The following FANCB variants were observed in gnomAD, a reference collection of about 807,000 sequenced individuals.
The protein encoded by FANCB is Fanconi anemia group B protein.
In FANCB, 5 loss-of-function variants were observed where a neutral mutation model predicts 38.9. That is an observed-to-expected ratio of 0.13 (90% CI 0.07 to 0.27). The LOEUF (loss-of-function observed/expected upper bound fraction) is 0.27. FANCB is among the 10% of genes least tolerant of loss of function. The pLI is 1.00. For missense variants in FANCB, 573 were observed against 602.7 expected (o/e 0.95, Z 0.52); for synonymous variants, 236 against 215.4 (o/e 1.10, Z -0.84).
At chrX:14,706,239 C>G in the FANCB span, among the ~76,000 whole-genome samples, 1 of 111,720 alleles carries the variant, frequency 9.0e-6, no homozygotes, top group East Asian at 2.8e-4. Flanking sequence ...TGCAGCCTCT[C>G]AGGCCCTACC....
At chrX:14,857,827 T>C (rs748867367) in intron 5 of FANCB, 35 bp downstream of exon 5, 3 of 921,577 alleles carry the variant, frequency 3.3e-6, no homozygotes, top group Admixed American at 2.2e-5. Context: ...AGAATAACAC[T>C]AATCGAAAAG....
At chrX:14,810,916 C>G in the FANCB span, among the ~76,000 whole-genome samples, 3 of 111,733 alleles carry the variant, frequency 2.7e-5, no homozygotes, top group East Asian at 2.8e-4. Flanking sequence ...CAGCCAGAGA[C>G]AAAGGTTGGG....
At chrX:14,770,128 T>C in the FANCB span, among the ~76,000 whole-genome samples, 5 of 112,363 alleles carry the variant, frequency 4.4e-5, no homozygotes, top group African/African-American at 1.6e-4. Flanking sequence ...TGAATTTGGG[T>C]GGAAAGTTCT....
At chrX:14,818,442 G>A in the FANCB span, among the ~76,000 whole-genome samples, 2 of 109,123 alleles carry the variant, frequency 1.8e-5, no homozygotes, top group African/African-American at 6.7e-5. Flanking sequence ...CGGGGGGTTG[G>A]GTGGAAGCCT....
At chrX:14,757,650 G>A in the FANCB span, among the ~76,000 whole-genome samples, 2 of 111,798 alleles carry the variant, frequency 1.8e-5, no homozygotes, top group Non-Finnish European at 3.8e-5. Context: ...AACAAAGTAC[G>A]GGGTAGAAGA....
Position 14,852,459 on chromosome X carries a change from G to A in FANCB, c.1326+580C>T, listed in dbSNP as rs182455418. ...TGGGATTACAGGCATGAGCCACCAC[G>A]CCCGGCCCTGAGGAGGATCTTATGA... is the stretch of plus-strand genomic sequence containing the variant. On this transcript the variant is annotated intron_variant, in intron 6 of 9. Coordinates refer to ENST00000650831, the MANE Select transcript of FANCB (RefSeq NM_001018113.3). Among the ~76,000 whole-genome samples, 41 of 110,916 alleles carry A rather than the reference G, an allele frequency of 3.7e-4. No homozygotes were observed. In the East Asian group the frequency reaches 5.4e-3, roughly 15 times the overall value.
the FANCB span, among the ~76,000 whole-genome samples, chrX:14,693,000 A>T: frequency 9.0e-6 from 1 of 110,737 alleles, no homozygotes; most frequent in East Asian, 2.8e-4. Flanking sequence ...TATGTAACTA[A>T]CCTGCACATT....
At chrX:14,838,634 T>C (rs187974700), downstream of FANCB, among the ~76,000 whole-genome samples, 1,561 of 111,955 alleles carry the variant, frequency 0.014, 26 homozygotes, top group African/African-American at 0.041. Context: ...AATTGAGTCA[T>C]TCTAAATCTT....
the FANCB span, among the ~76,000 whole-genome samples, chrX:14,778,130 T>C: frequency 8.9e-6 from 1 of 112,234 alleles, no homozygotes; most frequent in Admixed American, 9.4e-5. Flanking sequence ...TTCTAGCATT[T>C]AACAGGTGCT....
the FANCB span, among the ~76,000 whole-genome samples, chrX:14,722,392 T>A: frequency 9.0e-6 from 1 of 111,177 alleles, no homozygotes; most frequent in Non-Finnish European, 1.9e-5. Flanking sequence ...GTTGACATGG[T>A]GGCTCATGGT....
the FANCB span, among the ~76,000 whole-genome samples, chrX:14,826,157 T>C: frequency 1.8e-5 from 2 of 112,225 alleles, no homozygotes; most frequent in Non-Finnish European, 3.8e-5. Flanking sequence ...GCTCTCCCAT[T>C]TCTTGTGTAA....
the FANCB span, among the ~76,000 whole-genome samples, chrX:14,756,414 T>C: frequency 1.8e-5 from 2 of 112,052 alleles, no homozygotes; most frequent in Non-Finnish European, 3.8e-5. Context: ...TTGCAAACTA[T>C]GTACCTGACA....
At chrX:14,736,047 G>A in the FANCB span, among the ~76,000 whole-genome samples, 2 of 111,106 alleles carry the variant, frequency 1.8e-5, no homozygotes, top group African/African-American at 3.3e-5. Flanking sequence ...GGGGAAAACC[G>A]CCTACTCAAG....
the FANCB span, among the ~76,000 whole-genome samples, chrX:14,823,033 TGCTTTGG>T: frequency 9.1e-6 from 1 of 110,398 alleles, no homozygotes; most frequent in East Asian, 2.8e-4. Flanking sequence ...TATGCTAGTT[TGCTTTGG>T]GTTAATGTTT....
chrX:14,693,551 T>G, the FANCB span, among the ~76,000 whole-genome samples: 4 of 111,526 alleles, frequency 3.6e-5, no homozygotes, highest in African/African-American at 1.3e-4. Context: ...TCTCAGCAAC[T>G]GATAGAAAAA....
At chrX:14,866,638 T>C (rs6628580) in intron 2 of FANCB, among the ~76,000 whole-genome samples, 9,314 of 111,443 alleles carry the variant, frequency 0.084, 867 homozygotes, top group African/African-American at 0.27. Context: ...AAATAAAGGA[T>C]AAAAGAATAT....
the FANCB span, among the ~76,000 whole-genome samples, chrX:14,735,211 G>A: frequency 2.7e-5 from 3 of 109,360 alleles, no homozygotes; most frequent in African/African-American, 1.0e-4. Flanking sequence ...GTTATTACCC[G>A]CCTTCTGAAG....
chrX:14,786,368 G>T, the FANCB span, among the ~76,000 whole-genome samples: 1 of 110,776 alleles, frequency 9.0e-6, no homozygotes, highest in African/African-American at 3.3e-5. Flanking sequence ...GTTGAAAAAA[G>T]CCTTGTCTCA....
At chrX:14,828,788 T>C in the FANCB span, among the ~76,000 whole-genome samples, 74 of 111,620 alleles carry the variant, frequency 6.6e-4, no homozygotes, top group Non-Finnish European at 8.9e-4. Context: ...CACAGCTCAC[T>C]GCAGCCCTGT....
Sources: allele counts gnomAD v4.1 joint callset (sites outside exome capture counted in the v4.1 genomes callset), GRCh38; gene constraint gnomAD v4.1.1; transcripts MANE v1.5; gene names NCBI Gene and HGNC (gene_info 2026-07-23, HGNC 2026-07-21).